Variants in FASN observed in about 807,000 individuals in gnomAD.
The protein encoded by FASN is 3-hydroxyacyl-[acyl-carrier-protein] dehydratase.
A neutral mutation model predicts 250.0 loss-of-function variants in FASN; 50 were observed. The observed-to-expected ratio is 0.20, with a 90% CI of 0.16 to 0.25. The LOEUF is 0.25. Among genes scored for constraint, FASN ranks in the 10% least tolerant of loss-of-function variants. The pLI, the probability that FASN is intolerant of heterozygous loss-of-function variation, is 1.00. For missense variants in FASN, 3,031 were observed against 3,498.5 expected (o/e 0.87, Z 3.37); for synonymous variants, 1,909 against 1,584.0 (o/e 1.21, Z -4.87).
In FASN at chr17:82,087,163, C is replaced by T. The variant is rs774227498; in HGVS notation, c.3314G>A (p.Arg1105Gln). Residue 1105 changes from arginine to glutamine, a missense_variant, in exon 21 of 43, where the codon CGG (arginine) becomes CAG (glutamine). Coordinates refer to ENST00000306749, the MANE Select transcript of FASN (RefSeq NM_004104.5). Reference protein sequence around the residue: ...SGLHTESAPRRQQEQQVPILE... With the variant: ...SGLHTESAPRQQQEQQVPILE... ...GATGGGCACCTGCTGCTCCTGCTGC[C>T]GCCGCGGGGCCGACTCAGTGTGGAG... 2.2e-5 allele frequency: 36 copies of T among 1,609,806 alleles called. No homozygotes were observed. The highest frequency in any genetic ancestry group is 4.5e-5 in the East Asian group (2 of 44,778).
chr17:82,080,084 T>C, intron 41 of FASN, 56 bp downstream of exon 41: 2 of 1,557,818 alleles, frequency 1.3e-6, no homozygotes, highest in East Asian at 2.2e-5. Flanking sequence ...CCCTTCCCCC[T>C]TCCGTTCCTG....
rs779703690 is a variant in FASN at position 82,084,631 on chromosome 17, C to G, written c.4650G>C (p.Ser1550=). The G allele has an allele frequency of 2.5e-6, 4 of 1,603,130 alleles. No individual in the cohort carries two copies. The highest frequency in any genetic ancestry group is 3.4e-6 in the Non-Finnish European group (4 of 1,175,630). Residue 1550 remains serine, a synonymous_variant, in exon 27 of 43, where the codon TCG becomes TCC. Transcript: ENST00000306749. The stretch of plus-strand genomic sequence containing the variant: ...GGCAGGTGGGCTGGGCATGGCGCAG[C>G]GAGGAGCAGACCCAGCGGATGGAGG... The part of the protein sequence containing the change: ...DLSSIRWVCS[S]LRHAQPTCPG...
In FASN at chr17:82,080,159, G is replaced by A. The variant is rs777370582; in HGVS notation, c.7127C>T (p.Thr2376Met). Residue 2376 changes from threonine to methionine, a missense_variant, in exon 41 of 43, where the codon ACG becomes ATG. Physicochemically the swap from Thr to Met is moderately conservative, Grantham distance 81. Coordinates refer to ENST00000306749, the MANE Select transcript of FASN (RefSeq NM_004104.5). ...EAICFFVQQF[T>M]DMEHNRVLEA... ...ACCCACCCTGTTGTGCTCCATGTCC[G>A]TGAACTGCTGCACGAAGAAGCATAT... The A allele has an allele frequency of 5.6e-6, 9 of 1,613,200 alleles. No individual in the cohort carries two copies. Among genetic ancestry groups the A allele is most frequent in the East Asian group, 2.2e-5 (1 of 44,888 alleles).
rs2034210728 is a variant in FASN at position 82,091,598 on chromosome 17, CCCAT to C, written c.1112_1115del (p.Asp371GlyfsTer33). On this transcript the variant is annotated frameshift_variant, in exon 9 of 43. Transcript: ENST00000306749. LOFTEE classifies it high-confidence loss of function. Reference sequence around the variant, plus strand: ...GGGGCTGGTCCACCACCTGCAGCCGCCCATCCAACAGCGCTGGGATCTCAGGGTT... The same window carrying C: ...GGGGCTGGTCCACCACCTGCAGCCGCCCAACAGCGCTGGGATCTCAGGGTT... The C allele has an allele frequency of 6.3e-7, 1 of 1,590,956 alleles. No homozygotes were observed. Among genetic ancestry groups the C allele is most frequent in the African/African-American group, 1.3e-5 (1 of 74,692 alleles).
chr17:82,084,708 C>A lies in FASN; in HGVS notation c.4573G>T (p.Glu1525Ter). ...ACAAAGGCATGTGCCGTCGGCTCCT[C>A]AGGCTTGTCTAGGGAAACAGGGAGG... is the stretch of plus-strand genomic sequence containing the variant. Reference protein sequence around the residue: ...RHFLLEEDKPEEPTAHAFVST... With the variant: ...RHFLLEEDKP The change falls in exon 27 of 43, where the codon GAG (glutamate) becomes TAG (stop). Residue 1525 changes from glutamate to a stop codon, truncating the protein, a stop_gained. Coordinates refer to ENST00000306749, the MANE Select transcript of FASN (RefSeq NM_004104.5). LOFTEE classifies it high-confidence loss of function. 6.4e-7 allele frequency: 1 copy of A among 1,562,750 alleles called. No homozygotes were observed. Among genetic ancestry groups the A allele is most frequent in the East Asian group, 2.4e-5 (1 of 41,866 alleles).
intron 24 of FASN, 30 bp downstream of exon 24, chr17:82,085,208 G>A (rs2034070467): frequency 6.2e-7 from 1 of 1,612,220 alleles, no homozygotes; most frequent in African/African-American, 1.3e-5. Flanking sequence ...GGGAGGTGGG[G>A]TGGGGCCTGG....
chr17:82,095,714 G>A (rs62078746), intron 2 of FASN, among the ~76,000 whole-genome samples: 73,710 of 152,172 alleles, frequency 0.48, 18,563 homozygotes, highest in Non-Finnish European at 0.55. Context: ...GAGATGGGCC[G>A]CAGAGCAGAG....
At position 82,080,490 on chromosome 17, in the gene FASN, G is replaced by A. The variant is rs771222130; in HGVS notation, c.6927C>T (p.Tyr2309=). Residue 2309 remains tyrosine, a synonymous_variant, in exon 40 of 43, where the codon TAC becomes TAT. Transcript: ENST00000306749. ...ACATTTCAAAGGCCACGCAGGCCCCGTAGGAGTAGCCGGCCACGCGGTAGG... is the reference window on the plus strand; with the variant it reads ...ACATTTCAAAGGCCACGCAGGCCCCATAGGAGTAGCCGGCCACGCGGTAGG... The part of the protein sequence containing the change: ...EGPYRVAGYS[Y]GACVAFEMCS... 32 of 1,569,568 alleles carry A rather than the reference G, an allele frequency of 2.0e-5. No individual in the cohort carries two copies. In the South Asian group the frequency reaches 2.6e-4, roughly 13 times the overall value.
rs1385323030 is a variant in FASN at position 82,091,202 on chromosome 17, G to C, written c.1492+20C>G. On this transcript the variant is annotated intron_variant, in intron 9 of 42. Transcript: ENST00000306749. ...TTTCCCCAGGGAAGGGACCACCTTG[G>C]GGGCAGAGTGTGGGCTCACCAGAGC... is the stretch of plus-strand genomic sequence containing the variant. The C allele has an allele frequency of 6.2e-7, 1 of 1,601,268 alleles. No homozygotes were observed.
chr17:82,093,927 G>T (rs1048748423), intron 3 of FASN, among the ~76,000 whole-genome samples, 156 bp from the exon 4 acceptor site: 28 of 151,854 alleles, frequency 1.8e-4, no homozygotes, highest in Non-Finnish European at 3.5e-4. Context: ...GGCCTAAGGA[G>T]GGTGAGGTGT....
chr17:82,094,023 G>A (rs2034263247), intron 3 of FASN: 2 of 577,302 alleles, frequency 3.5e-6, no homozygotes, highest in African/African-American at 1.9e-5. Context: ...GAGGGAACGA[G>A]GCGGAGGGGG....
In FASN at chr17:82,088,453, C is replaced by T. The variant is rs780496197; in HGVS notation, c.2530G>A (p.Val844Met). The T allele has an allele frequency of 5.0e-6, 8 of 1,611,580 alleles. No homozygotes were observed. The highest frequency in any genetic ancestry group is 6.8e-6 in the Non-Finnish European group (8 of 1,179,174). Residue 844 changes from valine (V) to methionine (M), a missense_variant, in exon 16 of 43, where the codon GTG becomes ATG. Transcript: ENST00000306749. ...IKWDHSLAWD[V>M]PAAEDFPNGS... ...TTGGGGAAGTCCTCGGCGGCCGGCACGTCCCAGGCCAGGCTGTGGTCCCAC... is the reference window on the plus strand; with the variant it reads ...TTGGGGAAGTCCTCGGCGGCCGGCATGTCCCAGGCCAGGCTGTGGTCCCAC...
Position 82,079,017 on chromosome 17 carries a change from G to A in FASN, c.*126C>T. The A allele has an allele frequency of 3.5e-6, 4 of 1,135,260 alleles. No homozygotes were observed. The highest frequency in any genetic ancestry group is 5.0e-6 in the Non-Finnish European group (4 of 794,240). The allele number at this position is 1,135,260 out of a possible 1,614,324, so 70.3% of individuals were successfully genotyped here. The stretch of plus-strand genomic sequence containing the variant: ...AACACCTACATCTAGCAGCCTCGGG[G>A]GGCAGTGGCACTGGGCCGGACAGGG... On this transcript the variant is annotated 3_prime_UTR_variant, in exon 43 of 43. Coordinates refer to ENST00000306749, the MANE Select transcript of FASN (RefSeq NM_004104.5).
chr17:82,086,657 C>A (rs2034107527), intron 21 of FASN, 99 bp from the exon 22 acceptor site: 5 of 884,638 alleles, frequency 5.7e-6, no homozygotes, highest in Non-Finnish European at 9.1e-6. Flanking sequence ...GGCCACCACC[C>A]CGCTCTGCCC....
At chr17:82,079,318 C>T in intron 42 of FASN, 38 bp from the exon 43 acceptor site, 1 of 1,612,680 alleles carries the variant, frequency 6.2e-7, no homozygotes, top group Non-Finnish European at 8.5e-7. Context: ...CCACCCCACT[C>T]CTGTCCCTGT....
intron 25 of FASN, 31 bp from the exon 26 acceptor site, chr17:82,084,984 G>A (rs1676454916): frequency 4.4e-5 from 70 of 1,574,608 alleles, no homozygotes; most frequent in Non-Finnish European, 5.9e-5. Context: ...CTCAGGCTGG[G>A]GATGGGGAGG....
At position 82,083,351 on chromosome 17, in the gene FASN, C is replaced by G. The variant is rs1230359553; in HGVS notation, c.5416G>C (p.Asp1806His). 1 of 1,612,852 alleles carries G rather than the reference C, an allele frequency of 6.2e-7. No homozygotes were observed. The highest frequency in any genetic ancestry group is 1.1e-5 in the South Asian group (1 of 91,086). ...ACAAGCGCCCACACCTCCCGCCAGTCAGCACTGCTCTCGTTGAAGAACGCA... is the reference window on the plus strand; with the variant it reads ...ACAAGCGCCCACACCTCCCGCCAGTGAGCACTGCTCTCGTTGAAGAACGCA... The part of the protein sequence containing the change: ...LDAFFNESSA[D>H]WREVWALVQA... The change falls in exon 32 of 43, where the codon GAC becomes CAC. Residue 1806 changes from aspartate to histidine, a missense_variant. Coordinates refer to ENST00000306749, the MANE Select transcript of FASN (RefSeq NM_004104.5).
Position 82,086,986 on chromosome 17 carries a change from G to GTT in FASN, c.3427+63_3427+64insAA. On this transcript the variant is annotated intron_variant, in intron 21 of 42. Coordinates refer to ENST00000306749, the MANE Select transcript of FASN (RefSeq NM_004104.5). ...GTGGAGAAGCAAGTCTGGGGTCAAC[G>GTT]TGAGGGGAGGCGATCGCTCCTCATC... is the stretch of plus-strand genomic sequence containing the variant. The GTT allele has an allele frequency of 3.8e-6, 6 of 1,574,172 alleles. No homozygotes were observed. In the South Asian group the frequency reaches 6.8e-5, roughly 18 times the overall value.
intron 3 of FASN, chr17:82,094,036 G>T: frequency 3.6e-6 from 2 of 555,858 alleles, no homozygotes; most frequent in South Asian, 4.0e-5. Context: ...GGAGGGGGCA[G>T]GCGGGCCCAG....
Sources: gnomAD v4.1 joint callset for allele counts (sites outside exome capture counted in the v4.1 genomes callset) on GRCh38, gnomAD v4.1.1 for gene constraint, MANE v1.5 for transcripts, NCBI Gene and HGNC (gene_info 2026-07-23, HGNC 2026-07-21) for gene names.